The following TMEM62 variants were observed in gnomAD, a reference collection of about 807,000 sequenced individuals.
The protein encoded by TMEM62 is transmembrane protein 62.
TMEM62 carries 41 observed loss-of-function variants against 70.4 expected under a neutral mutation model. That is an observed-to-expected ratio of 0.58 (90% CI 0.45 to 0.76). The LOEUF is 0.76. TMEM62 is among the 30% of genes least tolerant of loss of function. The pLI is 0.00. For synonymous variants in TMEM62, 268 were observed against 291.0 expected (o/e 0.92, Z 0.80); for missense variants, 688 against 788.5 (o/e 0.87, Z 1.53).
At chr15:43,139,177 G>T (rs2035662225) in intron 4 of TMEM62, among the ~76,000 whole-genome samples, 1 of 152,024 alleles carries the variant, frequency 6.6e-6, no homozygotes. Context: ...ATCTTTTATG[G>T]TGATCTGTGA....
intron 9 of TMEM62, among the ~76,000 whole-genome samples, chr15:43,159,570 G>A (rs1316486381): frequency 6.6e-6 from 1 of 152,144 alleles, no homozygotes; most frequent in Non-Finnish European, 1.5e-5. Context: ...CAAATGATAG[G>A]ATCTTATTCT....
At chr15:43,150,527 T>C (rs1257422700) in intron 7 of TMEM62, among the ~76,000 whole-genome samples, 1 of 152,252 alleles carries the variant, frequency 6.6e-6, no homozygotes, top group Non-Finnish European at 1.5e-5. Flanking sequence ...TACAATAGAA[T>C]AATTTTTAAA....
intron 10 of TMEM62, among the ~76,000 whole-genome samples, chr15:43,161,167 G>A (rs1276115476): frequency 2.0e-5 from 3 of 152,168 alleles, no homozygotes; most frequent in Middle Eastern, 3.4e-3. Flanking sequence ...GTGGATAAAG[G>A]GGGACTATTG....
At chr15:43,181,732 C>T (rs1034819788) in intron 13 of TMEM62, among the ~76,000 whole-genome samples, 1 of 152,160 alleles carries the variant, frequency 6.6e-6, no homozygotes, top group African/African-American at 2.4e-5. Context: ...GAACTCCTGA[C>T]CTCAGATGAT....
intron 8 of TMEM62, among the ~76,000 whole-genome samples, chr15:43,152,792 T>A (rs2037562932): frequency 6.6e-6 from 1 of 152,232 alleles, no homozygotes; most frequent in Non-Finnish European, 1.5e-5. Flanking sequence ...GAGCACTTTT[T>A]AAAATATACT....
chr15:43,184,387 T>G lies in TMEM62; in HGVS notation c.1733T>G (p.Leu578Arg), dbSNP rs765967454. ...KYLKIMPVHL[L>R]MLLLYIWQVY... ...TTGAAAATTATGCCTGTTCACCTAC[T>G]TATGCTACTGCTGTACATCTGGCAG... The change falls in exon 14 of 14, where the codon CTT becomes CGT. Residue 578 changes from leucine to arginine, a missense_variant. Physicochemically the swap from Leu to Arg is moderately radical, Grantham distance 102. Transcript: ENST00000260403. 1 of 1,614,260 alleles carries G rather than the reference T, an allele frequency of 6.2e-7. No homozygotes were observed. Among genetic ancestry groups the G allele is most frequent in the Non-Finnish European group, 8.5e-7 (1 of 1,180,046 alleles).
At chr15:43,163,785 A>AAAC (rs1555461665) in intron 10 of TMEM62, among the ~76,000 whole-genome samples, 1 of 151,514 alleles carries the variant, frequency 6.6e-6, no homozygotes, top group African/African-American at 2.4e-5. Context: ...CCGTCTCAAA[A>AAAC]AAAAAACAAA....
chr15:43,135,848 G>A (rs904029794), intron 3 of TMEM62, 199 bp downstream of exon 3: 1 of 502,668 alleles, frequency 2.0e-6, no homozygotes, highest in Non-Finnish European at 3.3e-6. Context: ...AATTGGTATG[G>A]TCCTTTTTTT....
intron 11 of TMEM62, among the ~76,000 whole-genome samples, chr15:43,170,770 T>C (rs1387830220): frequency 1.3e-5 from 2 of 152,018 alleles, no homozygotes; most frequent in Admixed American, 6.6e-5. Context: ...TAATCAGACA[T>C]AGGAAGAGCA....
chr15:43,172,879 T>G (rs957614092), intron 11 of TMEM62, among the ~76,000 whole-genome samples: 2 of 152,116 alleles, frequency 1.3e-5, no homozygotes, highest in Non-Finnish European at 2.9e-5. Flanking sequence ...ACCTTAAAAA[T>G]CTAGTCATTT....
intron 9 of TMEM62, among the ~76,000 whole-genome samples, chr15:43,159,959 A>G (rs2038485474): frequency 6.6e-6 from 1 of 152,060 alleles, no homozygotes; most frequent in African/African-American, 2.4e-5. Context: ...ATGTAGAATT[A>G]TAGGTTTTAA....
chr15:43,168,647 GTC>G (rs1273018589), intron 10 of TMEM62, among the ~76,000 whole-genome samples: 1 of 152,156 alleles, frequency 6.6e-6, no homozygotes, highest in African/African-American at 2.4e-5. Context: ...AGAGGAAGGA[GTC>G]TCTCTTTGAG....
At chr15:43,173,074 A>C (rs1292502819) in intron 11 of TMEM62, among the ~76,000 whole-genome samples, 1 of 152,176 alleles carries the variant, frequency 6.6e-6, no homozygotes, top group Non-Finnish European at 1.5e-5. Flanking sequence ...CTAAAAATAC[A>C]AAAAATAGCC....
intron 3 of TMEM62, 109 bp from the exon 4 acceptor site, chr15:43,138,465 T>C: frequency 1.1e-6 from 1 of 887,746 alleles, no homozygotes; most frequent in Non-Finnish European, 1.7e-6. Flanking sequence ...GGGGTGTGTG[T>C]GGAAGAATTG....
intron 4 of TMEM62, 26 bp from the exon 5 acceptor site, chr15:43,146,467 A>C: frequency 6.3e-7 from 1 of 1,593,352 alleles, no homozygotes; most frequent in Non-Finnish European, 8.5e-7. Flanking sequence ...TATTACACTA[A>C]CACCCTCCTG....
intron 7 of TMEM62, 37 bp downstream of exon 7, chr15:43,149,188 A>T: frequency 1.9e-6 from 3 of 1,600,750 alleles, no homozygotes; most frequent in South Asian, 2.2e-5. Context: ...ACTTATACAC[A>T]TAAGTTTTGC....
In TMEM62 at chr15:43,184,878, G is replaced by T. The variant is rs941773517; in HGVS notation, c.*292G>T. On this transcript the variant is annotated 3_prime_UTR_variant, in exon 14 of 14. Coordinates refer to ENST00000260403, the MANE Select transcript of TMEM62 (RefSeq NM_024956.4). ...TATCTAGGACATCCACAGGGTAGAGGTTGGGTGTGTGTACGGGAGTGTCTG... is the reference window on the plus strand; with the variant it reads ...TATCTAGGACATCCACAGGGTAGAGTTTGGGTGTGTGTACGGGAGTGTCTG... 2.2e-5 allele frequency: 10 copies of T among 454,720 alleles called. No homozygotes were observed. The highest frequency in any genetic ancestry group is 1.7e-4 in the South Asian group (6 of 34,640). The allele number at this position is 454,720 out of a possible 1,614,324, so 28.2% of individuals were successfully genotyped here. A position where few individuals can be genotyped will look rare whatever the true frequency, so the allele number is the denominator to read the frequency against.
chr15:43,140,658 C>T (rs2035877753), intron 4 of TMEM62, among the ~76,000 whole-genome samples: 1 of 152,168 alleles, frequency 6.6e-6, no homozygotes, highest in South Asian at 2.1e-4. Context: ...AGTGAATCTG[C>T]CAAGATCCAC....
chr15:43,146,287 G>T, intron 4 of TMEM62: 1 of 453,754 alleles, frequency 2.2e-6, no homozygotes. Context: ...TTTGGTTATT[G>T]AATGAGTTTG....
Sources: allele counts gnomAD v4.1 joint callset (sites outside exome capture counted in the v4.1 genomes callset), GRCh38; gene constraint gnomAD v4.1.1; transcripts MANE v1.5; gene names NCBI Gene and HGNC (gene_info 2026-07-23, HGNC 2026-07-21).